FAM162A: variants seen among roughly 807,000 people sequenced by gnomAD.
FAM162A encodes the protein family with sequence similarity 162 member A, also known as protein FAM162A.
FAM162A carries 23 observed loss-of-function variants against 21.8 expected under a neutral mutation model. That is an observed-to-expected ratio of 1.05 (90% CI 0.76 to 1.49). The LOEUF is 1.49. FAM162A is among the 40% of genes most tolerant of loss of function. FAM162A has a pLI of 0.00. For synonymous variants in FAM162A, 53 were observed against 61.3 expected (o/e 0.86, Z 0.64); for missense variants, 165 against 186.4 (o/e 0.89, Z 0.67).
At chr3:122,402,716 T>TTTTC (rs3838601) in intron 1 of FAM162A, 44 bp from the exon 2 acceptor site, 212,095 of 1,464,554 alleles carry the variant, frequency 0.14, 15,612 homozygotes, top group Middle Eastern at 0.27. Context: ...AAACATCACA[T>TTTTC]TTTCTTTCTT....
intron 1 of FAM162A, among the ~76,000 whole-genome samples, chr3:122,400,306 G>A (rs568609548): frequency 1.6e-4 from 25 of 152,238 alleles, no homozygotes; most frequent in Middle Eastern, 6.8e-3. Flanking sequence ...TCACTCTTAA[G>A]TGGGAGCTAA....
chr3:122,398,666 C>G (rs2075639961), intron 1 of FAM162A, among the ~76,000 whole-genome samples: 1 of 151,992 alleles, frequency 6.6e-6, no homozygotes, highest in Non-Finnish European at 1.5e-5. Context: ...TAAAGAAACT[C>G]AGGAAGCATC....
chr3:122,386,556 T>TAAAAA (rs1185441822), intron 1 of FAM162A, among the ~76,000 whole-genome samples: 2 of 105,920 alleles, frequency 1.9e-5, no homozygotes, highest in Non-Finnish European at 3.8e-5. Context: ...AGACCCTGTC[T>TAAAAA]AAAAAAAAAA....
At chr3:122,397,898 C>T (rs1332607523) in intron 1 of FAM162A, among the ~76,000 whole-genome samples, 1 of 152,056 alleles carries the variant, frequency 6.6e-6, no homozygotes, top group African/African-American at 2.4e-5. Flanking sequence ...TTTAAAAGAA[C>T]CAGAGCCCAT....
chr3:122,390,796 C>T (rs73188319), intron 1 of FAM162A, among the ~76,000 whole-genome samples: 2,839 of 152,144 alleles, frequency 0.019, 58 homozygotes, highest in South Asian at 0.088. Context: ...CAGGTGATTT[C>T]GATAGATAAA....
intron 1 of FAM162A, among the ~76,000 whole-genome samples, chr3:122,394,763 G>A (rs927944328): frequency 6.6e-6 from 1 of 152,032 alleles, no homozygotes; most frequent in African/African-American, 2.4e-5. Flanking sequence ...CAAAAGAGGA[G>A]GGATCACTTC....
At chr3:122,397,551 A>G (rs896021820) in intron 1 of FAM162A, among the ~76,000 whole-genome samples, 1 of 151,990 alleles carries the variant, frequency 6.6e-6, no homozygotes, top group Non-Finnish European at 1.5e-5. Context: ...TTTCTGTTCC[A>G]CTGCTCCACA....
intron 1 of FAM162A, among the ~76,000 whole-genome samples, chr3:122,387,363 GGAC>G (rs759553846): frequency 7.2e-5 from 11 of 152,176 alleles, no homozygotes; most frequent in South Asian, 2.1e-4. Flanking sequence ...CCAATGTAAT[GGAC>G]TATGGGCTGC....
chr3:122,407,507 A>T (rs573907479), intron 4 of FAM162A, 118 bp downstream of exon 4: 65 of 692,224 alleles, frequency 9.4e-5, no homozygotes, highest in Middle Eastern at 5.7e-4. Flanking sequence ...TCTACATTAC[A>T]TGAGAAAAGA....
chr3:122,399,960 C>T (rs1365131709), intron 1 of FAM162A, among the ~76,000 whole-genome samples: 5 of 152,040 alleles, frequency 3.3e-5, no homozygotes, highest in Admixed American at 1.3e-4. Context: ...AGAAATTAGG[C>T]GGGTGTGGTG....
Position 122,409,793 on chromosome 3 carries a change from C to T in FAM162A, c.427C>T (p.Leu143=), listed in dbSNP as rs1364507982. The change falls in exon 5 of 5, where the codon CTG becomes TTG. Residue 143 remains leucine (L), a synonymous_variant. Coordinates refer to ENST00000477892, the MANE Select transcript of FAM162A (RefSeq NM_014367.4). The part of the protein sequence containing the change: ...TSLNLEKKAR[L]KEEAAMKAKT... The stretch of plus-strand genomic sequence containing the variant: ...CTTGAACTTAGAAAAGAAAGCTCGT[C>T]TGAAAGAGGAAGCAGCTATGAAGGC... The T allele has an allele frequency of 3.7e-6, 6 of 1,614,028 alleles. No individual in the cohort carries two copies. The highest frequency in any genetic ancestry group is 5.1e-6 in the Non-Finnish European group (6 of 1,179,956).
intron 3 of FAM162A, among the ~76,000 whole-genome samples, chr3:122,404,749 T>G (rs1391118367): frequency 2.0e-5 from 3 of 152,208 alleles, no homozygotes; most frequent in African/African-American, 7.2e-5. Flanking sequence ...GTAAAAGTAT[T>G]TAATTGCAAT....
At chr3:122,390,747 G>T (rs939253213) in intron 1 of FAM162A, among the ~76,000 whole-genome samples, 1 of 152,224 alleles carries the variant, frequency 6.6e-6, no homozygotes, top group African/African-American at 2.4e-5. Context: ...CATACTGACT[G>T]TATCAGTTGG....
chr3:122,385,317 A>G (rs2075570165), intron 1 of FAM162A, among the ~76,000 whole-genome samples: 1 of 152,204 alleles, frequency 6.6e-6, no homozygotes. Context: ...GTCTCAAACT[A>G]GAGAGTATTA....
Position 122,409,850 on chromosome 3 carries a change from C to A in FAM162A, c.*19C>A. The A allele has an allele frequency of 3.1e-6, 5 of 1,606,200 alleles. No homozygotes were observed. Among genetic ancestry groups the A allele is most frequent in the Non-Finnish European group, 3.4e-6 (4 of 1,172,872 alleles). On this transcript the variant is annotated 3_prime_UTR_variant, in exon 5 of 5. Transcript: ENST00000477892. Reference sequence around the variant, plus strand: ...AGAGTAGCAGAGGTATCCGTGTTGGCTGGATTTTGAAAATCCAGGAATTAT... The same window carrying A: ...AGAGTAGCAGAGGTATCCGTGTTGGATGGATTTTGAAAATCCAGGAATTAT...
chr3:122,402,683 T>C, intron 1 of FAM162A, 77 bp from the exon 2 acceptor site: 1 of 1,334,170 alleles, frequency 7.5e-7, no homozygotes, highest in Non-Finnish European at 1.0e-6. Flanking sequence ...AAACGTAACT[T>C]GCGGGTATTT....
chr3:122,401,594 C>T, intron 1 of FAM162A: 2 of 1,153,956 alleles, frequency 1.7e-6, no homozygotes, highest in Admixed American at 5.6e-5. Context: ...ATAATTTCAT[C>T]TGTGAAATGT....
At chr3:122,396,362 A>G (rs2075627581) in intron 1 of FAM162A, among the ~76,000 whole-genome samples, 1 of 152,192 alleles carries the variant, frequency 6.6e-6, no homozygotes, top group Admixed American at 6.5e-5. Context: ...ATGTTTCTCC[A>G]GAGAAGATAT....
chr3:122,384,302 G>A lies in FAM162A; in HGVS notation c.34+3G>A. The A allele has an allele frequency of 1.9e-6, 3 of 1,576,362 alleles. No homozygotes were observed. Among genetic ancestry groups the A allele is most frequent in the Non-Finnish European group, 2.6e-6 (3 of 1,161,238 alleles). ...CAGCGGTCTGCGCCTGGCAGCAGGT[G>A]AGACGCCGGTCGGGATATGGGAGGT... On this transcript the variant is annotated splice_donor_region_variant and intron_variant, in intron 1 of 4. Transcript: ENST00000477892.
Sources: gnomAD v4.1 joint callset for allele counts (sites outside exome capture counted in the v4.1 genomes callset) on GRCh38, gnomAD v4.1.1 for gene constraint, MANE v1.5 for transcripts, NCBI Gene and HGNC (gene_info 2026-07-23, HGNC 2026-07-21) for gene names.